The following PRPF18 variants were observed in gnomAD, a reference collection of about 807,000 sequenced individuals.
PRPF18 encodes the protein pre-mRNA processing factor 18.
PRPF18 carries 38 observed loss-of-function variants against 46.5 expected under a neutral mutation model. The ratio of observed to expected loss-of-function variants is 0.82; its 90% CI spans 0.63 to 1.07. The LOEUF is 1.07. Ranked by LOEUF, PRPF18 falls within the 50% of genes least tolerant of loss-of-function variation. PRPF18 has a pLI of 0.00. For synonymous variants in PRPF18, 152 were observed against 146.7 expected (o/e 1.04, Z -0.26); for missense variants, 263 against 410.0 (o/e 0.64, Z 3.10).
chr10:13,614,128 C>G (rs1363867388), intron 8 of PRPF18, 42 bp downstream of exon 8: 4 of 1,400,848 alleles, frequency 2.9e-6, no homozygotes, highest in African/African-American at 2.9e-5. Flanking sequence ...AAGAGTATAT[C>G]TAGGTTATGT....
At chr10:13,607,391 C>A (rs559853531) in intron 4 of PRPF18, among the ~76,000 whole-genome samples, 1 of 152,240 alleles carries the variant, frequency 6.6e-6, no homozygotes, top group African/African-American at 2.4e-5. Flanking sequence ...TTAATTGAAT[C>A]TTTTGCTGAA....
intron 4 of PRPF18, among the ~76,000 whole-genome samples, chr10:13,609,281 A>T (rs2080237636): frequency 1.3e-5 from 2 of 152,208 alleles, no homozygotes; most frequent in South Asian, 4.1e-4. Flanking sequence ...TCCTTATTAC[A>T]GCCCTACGTA....
At chr10:13,605,244 G>A (rs939792641) in intron 3 of PRPF18, among the ~76,000 whole-genome samples, 42 of 152,142 alleles carry the variant, frequency 2.8e-4, no homozygotes, top group Admixed American at 2.7e-3. Context: ...GGCTTTTAAG[G>A]TACAATATAC....
chr10:13,655,243 A>G, the PRPF18 span: 2 of 152,374 alleles, frequency 1.3e-5, no homozygotes, highest in East Asian at 3.9e-4. Context: ...ATTTTAGTCT[A>G]AAATATGTTC....
At chr10:13,604,265 G>A (rs1269076871) in intron 3 of PRPF18, among the ~76,000 whole-genome samples, 1 of 152,098 alleles carries the variant, frequency 6.6e-6, no homozygotes, top group East Asian at 1.9e-4. Context: ...ATGCTCCCAG[G>A]TAAAGCTCTT....
chr10:13,627,434 A>G (rs2080524625), intron 9 of PRPF18, among the ~76,000 whole-genome samples: 1 of 152,226 alleles, frequency 6.6e-6, no homozygotes, highest in Non-Finnish European at 1.5e-5. Context: ...TAAAAATACC[A>G]CAAGTTTTTA....
At position 13,595,296 on chromosome 10, in the gene PRPF18, T is replaced by C. The variant is rs144433852; in HGVS notation, c.67-2162T>C. ...ATTTTGAGATGTTCTAGGCTTGAGA[T>C]TTTGTTAGGTGTGTTCAATGGAATT... On this transcript the variant is annotated intron_variant, in intron 1 of 9. Coordinates refer to ENST00000378572, the MANE Select transcript of PRPF18 (RefSeq NM_003675.4). Among the ~76,000 whole-genome samples, 69 of 152,318 alleles carry C rather than the reference T, an allele frequency of 4.5e-4. No homozygotes were observed. The South Asian group carries it at 0.012, about 26-fold the overall frequency.
intron 1 of PRPF18, 86 bp downstream of exon 1, chr10:13,587,238 A>T: frequency 7.1e-7 from 1 of 1,407,948 alleles, no homozygotes; most frequent in Admixed American, 1.7e-5. Context: ...CGATACTCAG[A>T]GGATTCGGGG....
rs187396487 is a variant in PRPF18, at chr10:13,617,670, A to G, written c.948+1117A>G. On this transcript the variant is annotated intron_variant, in intron 9 of 9. Coordinates refer to ENST00000378572, the MANE Select transcript of PRPF18 (RefSeq NM_003675.4). Reference sequence around the variant, plus strand: ...TATAAAAGTTCATATGATTAAATCAATCGTCTGAAAGACATTTCTTATAAA... The same window carrying G: ...TATAAAAGTTCATATGATTAAATCAGTCGTCTGAAAGACATTTCTTATAAA... 4.2e-3 allele frequency among the ~76,000 whole-genome samples: 641 copies of G among 152,368 alleles called. 2 individuals are homozygous for G. Among genetic ancestry groups the G allele is most frequent in the Non-Finnish European group, 5.7e-3 (390 of 68,036 alleles).
At chr10:13,594,025 G>A (rs1227470329) in intron 1 of PRPF18, among the ~76,000 whole-genome samples, 1 of 152,172 alleles carries the variant, frequency 6.6e-6, no homozygotes, top group Non-Finnish European at 1.5e-5. Context: ...AACGCCAAGT[G>A]GACTTAAACT....
chr10:13,617,714 C>T (rs1343996148), intron 9 of PRPF18, among the ~76,000 whole-genome samples: 1 of 152,128 alleles, frequency 6.6e-6, no homozygotes, highest in South Asian at 2.1e-4. Flanking sequence ...TGATTTTCAC[C>T]TCCCCGAGGA....
At chr10:13,599,475 A>G (rs1347453414) in intron 2 of PRPF18, among the ~76,000 whole-genome samples, 1 of 152,214 alleles carries the variant, frequency 6.6e-6, no homozygotes, top group East Asian at 1.9e-4. Context: ...ACCACGTTTC[A>G]GTATCTTTTT....
chr10:13,588,357 A>G (rs1395080444), intron 1 of PRPF18, among the ~76,000 whole-genome samples: 1 of 151,538 alleles, frequency 6.6e-6, no homozygotes, highest in Non-Finnish European at 1.5e-5. Context: ...CCGTGAGCCG[A>G]CATCGCACCA....
At chr10:13,620,985 T>G (rs2080412870) in intron 9 of PRPF18, among the ~76,000 whole-genome samples, 1 of 152,250 alleles carries the variant, frequency 6.6e-6, no homozygotes, top group Non-Finnish European at 1.5e-5. Context: ...AGGTCTTTGT[T>G]CATTCTTCCA....
At chr10:13,623,761 TG>T (rs1014527381) in intron 9 of PRPF18, among the ~76,000 whole-genome samples, 4 of 152,208 alleles carry the variant, frequency 2.6e-5, no homozygotes, top group African/African-American at 7.2e-5. Flanking sequence ...GGATGCAGGT[TG>T]GTTGTTTTAA....
At chr10:13,600,116 G>GC (rs2080085129) in intron 2 of PRPF18, 128 bp from the exon 3 acceptor site, 2 of 701,806 alleles carry the variant, frequency 2.8e-6, no homozygotes, top group Admixed American at 3.1e-5. Flanking sequence ...TGAGCTCTTT[G>GC]CTCAGAGGAA....
chr10:13,606,929 C>T (rs1186005073), intron 4 of PRPF18, among the ~76,000 whole-genome samples: 3 of 152,008 alleles, frequency 2.0e-5, no homozygotes, highest in Non-Finnish European at 2.9e-5. Flanking sequence ...TTTCCAAACC[C>T]CAGCATGTGG....
intron 6 of PRPF18, 60 bp downstream of exon 6, chr10:13,611,743 T>G: frequency 6.7e-7 from 1 of 1,491,258 alleles, no homozygotes; most frequent in Non-Finnish European, 9.3e-7. Flanking sequence ...ATTCTTATAT[T>G]TTTGGATTAC....
At chr10:13,650,561 C>T in the PRPF18 span, among the ~76,000 whole-genome samples, 10 of 152,124 alleles carry the variant, frequency 6.6e-5, no homozygotes, top group East Asian at 1.9e-4. Flanking sequence ...CCTCCCATAC[C>T]GGGGGAGAAA....
Sources: allele counts gnomAD v4.1 joint callset (sites outside exome capture counted in the v4.1 genomes callset), GRCh38; gene constraint gnomAD v4.1.1; transcripts MANE v1.5; gene names NCBI Gene and HGNC (gene_info 2026-07-23, HGNC 2026-07-21).